Variants in FRS2 observed in about 807,000 individuals in gnomAD.
The protein encoded by FRS2 is FGFR signalling adaptor.
Under a neutral mutation model 43.9 loss-of-function variants are expected in FRS2, and 8 were observed. That is an observed-to-expected ratio of 0.18 (90% CI 0.11 to 0.33). The LOEUF (loss-of-function observed/expected upper bound fraction) is 0.33, where lower values mean the gene tolerates loss of function less well. Among genes scored for constraint, FRS2 ranks in the 10% least tolerant of loss-of-function variants. The pLI, the probability that FRS2 is intolerant of heterozygous loss-of-function variation, is 1.00. For synonymous variants in FRS2, 219 were observed against 220.3 expected (o/e 0.99, Z 0.05); for missense variants, 534 against 627.6 (o/e 0.85, Z 1.59).
intron 1 of FRS2, among the ~76,000 whole-genome samples, chr12:69,498,037 ATTAACT>A (rs933956714): frequency 3.3e-5 from 5 of 151,732 alleles, no homozygotes; most frequent in African/African-American, 4.9e-5. Context: ...TTATGTGTAC[ATTAACT>A]TTAACAGTAG....
At chr12:69,519,194 A>G (rs1875375103) in intron 1 of FRS2, among the ~76,000 whole-genome samples, 1 of 152,190 alleles carries the variant, frequency 6.6e-6, no homozygotes, top group African/African-American at 2.4e-5. Context: ...AGGTTGTCAA[A>G]TACTGAGGTG....
At chr12:69,554,206 G>A (rs1287212401) in intron 3 of FRS2, among the ~76,000 whole-genome samples, 1 of 152,050 alleles carries the variant, frequency 6.6e-6, no homozygotes, top group Non-Finnish European at 1.5e-5. Context: ...GTATTGATTT[G>A]TATTTTCTTT....
intron 1 of FRS2, among the ~76,000 whole-genome samples, chr12:69,490,002 G>T (rs1872322038): frequency 6.6e-6 from 1 of 151,644 alleles, no homozygotes; most frequent in African/African-American, 2.4e-5. Context: ...AAAAAAAATA[G>T]GTCGTCAAGT....
rs768688491 is a variant in FRS2, at chr12:69,574,528, A to G, written c.1100A>G (p.Asp367Gly). ...PVWEARKLSR[D>G]EDDNLGPKTP... is the part of the protein sequence containing the mutation. ...TGGGAAGCCCGCAAGCTAAGTAGGG[A>G]TGAAGATGACAATTTAGGACCAAAG... The change falls in exon 9 of 9, where the codon GAT becomes GGT. Residue 367 changes from aspartate to glycine, a missense_variant. By Grantham distance (94) the Asp-to-Gly change is moderately conservative (BLOSUM62 -1). Coordinates refer to ENST00000549921, the MANE Select transcript of FRS2 (RefSeq NM_001278356.2). The G allele has an allele frequency of 3.7e-6, 6 of 1,614,060 alleles. No individual in the cohort carries two copies. The East Asian group carries it at 1.3e-4, about 36-fold the overall frequency.
At chr12:69,536,269 T>A (rs1877297922) in intron 3 of FRS2, among the ~76,000 whole-genome samples, 1 of 151,626 alleles carries the variant, frequency 6.6e-6, no homozygotes. Flanking sequence ...GGATTACGTG[T>A]GTGCACCACC....
At chr12:69,498,519 TTGTGTGTG>T (rs71094717) in intron 1 of FRS2, among the ~76,000 whole-genome samples, 8 of 141,502 alleles carry the variant, frequency 5.7e-5, no homozygotes, top group African/African-American at 1.1e-4. Flanking sequence ...TTATGAGGGT[TTGTGTGTG>T]TGTGTGTGTG....
At position 69,474,461 on chromosome 12, in the gene FRS2, T is replaced by G. The variant is rs917389602; in HGVS notation, c.-261+3931T>G. Among the ~76,000 whole-genome samples the G allele has an allele frequency of 3.9e-5, 6 of 152,184 alleles. No individual in the cohort carries two copies. The South Asian group carries it at 6.2e-4, about 16-fold the overall frequency. ...ACTTCTGTTTTAAATGGCATCTGTT[T>G]AAAACAGAAGGAAATATGCTAAGTG... On this transcript the variant is annotated intron_variant, in intron 1 of 8. Coordinates refer to ENST00000549921, the MANE Select transcript of FRS2 (RefSeq NM_001278356.2).
At chr12:69,509,267 C>G (rs962214029) in intron 1 of FRS2, among the ~76,000 whole-genome samples, 1 of 152,142 alleles carries the variant, frequency 6.6e-6, no homozygotes, top group African/African-American at 2.4e-5. Flanking sequence ...CATCTCCAGA[C>G]TCTTATCAGG....
chr12:69,476,753 C>CGG (rs60543134), intron 1 of FRS2, among the ~76,000 whole-genome samples: 17 of 80,160 alleles, frequency 2.1e-4, no homozygotes, highest in Non-Finnish European at 3.6e-4. Context: ...GGGGGAGGGA[C>CGG]GGGGGGGGGT....
intron 2 of FRS2, among the ~76,000 whole-genome samples, chr12:69,531,631 C>A (rs1203314399): frequency 6.7e-6 from 1 of 149,264 alleles, no homozygotes; most frequent in African/African-American, 2.5e-5. Context: ...AAACACTGTT[C>A]AAAGAAATGC....
At chr12:69,511,440 A>G (rs1174233411) in intron 1 of FRS2, among the ~76,000 whole-genome samples, 1 of 152,230 alleles carries the variant, frequency 6.6e-6, no homozygotes, top group Non-Finnish European at 1.5e-5. Flanking sequence ...TATAAATGGA[A>G]TAAAAATGTA....
chr12:69,485,812 C>T (rs1871885707), intron 1 of FRS2, among the ~76,000 whole-genome samples: 1 of 152,166 alleles, frequency 6.6e-6, no homozygotes, highest in Non-Finnish European at 1.5e-5. Flanking sequence ...ACACACTGTA[C>T]TTAAGTGCAT....
At position 69,574,795 on chromosome 12, in the gene FRS2, C is replaced by T; in HGVS notation, c.1367C>T (p.Pro456Leu). ...GACAACCCTCAGACTCCAAAAACGC[C>T]TACAACTCCCCTTCCACAAACCCCT... Reference protein sequence around the residue: ...DSDNPQTPKTPTTPLPQTPTR... With the variant: ...DSDNPQTPKTLTTPLPQTPTR... The change falls in exon 9 of 9, where the codon CCT becomes CTT. Residue 456 changes from proline to leucine, a missense_variant. Pro to Leu is a moderately conservative substitution (Grantham distance 98). Transcript: ENST00000549921. The T allele has an allele frequency of 6.2e-7, 1 of 1,614,110 alleles. No homozygotes were observed.
Position 69,517,421 on chromosome 12 carries a change from C to A in FRS2, c.-260-13444C>A, listed in dbSNP as rs550862923. On this transcript the variant is annotated intron_variant, in intron 1 of 8. Coordinates refer to ENST00000549921, the MANE Select transcript of FRS2 (RefSeq NM_001278356.2). ...TGAAAAAACTGTGAAATTCGAAACACTTCTGGTTTCAAGCATTTTGGATAA... is the reference window on the plus strand; with the variant it reads ...TGAAAAAACTGTGAAATTCGAAACAATTCTGGTTTCAAGCATTTTGGATAA... 9.9e-5 allele frequency among the ~76,000 whole-genome samples: 15 copies of A among 151,972 alleles called. 1 individual carries two copies. Among genetic ancestry groups the A allele is most frequent in the African/African-American group, 3.4e-4 (14 of 41,468 alleles).
intron 3 of FRS2, among the ~76,000 whole-genome samples, chr12:69,538,281 G>A (rs1225937604): frequency 2.2e-5 from 3 of 134,142 alleles, no homozygotes; most frequent in Non-Finnish European, 4.7e-5. Flanking sequence ...GATTCCAGCA[G>A]TAGAGCCAGT....
intron 3 of FRS2, among the ~76,000 whole-genome samples, chr12:69,552,302 CA>C (rs35353764): frequency 0.061 from 3,103 of 51,044 alleles, 54 homozygotes; most frequent in East Asian, 0.38. Context: ...AACTCCGTCT[CA>C]AAAAAAAAAA....
chr12:69,558,858 C>T (rs1038590115), intron 3 of FRS2, among the ~76,000 whole-genome samples: 1 of 152,166 alleles, frequency 6.6e-6, no homozygotes, highest in Non-Finnish European at 1.5e-5. Context: ...AATAGGTGCT[C>T]AGAAAATACG....
intron 3 of FRS2, among the ~76,000 whole-genome samples, chr12:69,542,643 T>C (rs1358062405): frequency 6.6e-6 from 1 of 152,240 alleles, no homozygotes; most frequent in Non-Finnish European, 1.5e-5. Context: ...TCCAACCATA[T>C]GTAACCATGT....
At chr12:69,558,022 G>T (rs910541935) in intron 3 of FRS2, among the ~76,000 whole-genome samples, 5 of 151,980 alleles carry the variant, frequency 3.3e-5, no homozygotes, top group Admixed American at 6.6e-5. Context: ...ACAAACAAAT[G>T]AATCTCTATA....
Sources: allele counts gnomAD v4.1 joint callset (sites outside exome capture counted in the v4.1 genomes callset), GRCh38; gene constraint gnomAD v4.1.1; transcripts MANE v1.5; gene names NCBI Gene and HGNC (gene_info 2026-07-23, HGNC 2026-07-21).